MARK4: variants seen among roughly 807,000 people sequenced by gnomAD.
MARK4 encodes MAP/microtubule affinity-regulating kinase 4.
Under a neutral mutation model 81.5 loss-of-function variants are expected in MARK4, and 19 were observed. The observed-to-expected ratio is 0.23, with a 90% CI of 0.16 to 0.34. The LOEUF is 0.34. Ranked by LOEUF, MARK4 falls within the 10% of genes least tolerant of loss-of-function variation. The pLI, the probability that MARK4 is intolerant of heterozygous loss-of-function variation, is 1.00. For missense variants in MARK4, 772 were observed against 1,058.8 expected (o/e 0.73, Z 3.76); for synonymous variants, 436 against 439.0 (o/e 0.99, Z 0.08).
intron 13 of MARK4, among the ~76,000 whole-genome samples, chr19:45,291,639 G>A (rs1187533747): frequency 2.0e-5 from 3 of 152,074 alleles, no homozygotes; most frequent in South Asian, 2.1e-4. Context: ...AAAATTAGCC[G>A]GGCTTGGTGG....
chr19:45,268,496 A>C (rs1199626791), intron 7 of MARK4, among the ~76,000 whole-genome samples: 3 of 151,396 alleles, frequency 2.0e-5, no homozygotes, highest in East Asian at 2.0e-4. Context: ...AGACATGAGA[A>C]TTGCTTGAAC....
intron 16 of MARK4, among the ~76,000 whole-genome samples, chr19:45,301,480 C>T (rs548515240): frequency 1.8e-4 from 27 of 146,450 alleles, no homozygotes; most frequent in African/African-American, 6.8e-4. Context: ...TTGCTTGAAC[C>T]CGGGAAGCAG....
At chr19:45,257,035 C>A (rs1036852027) in intron 1 of MARK4, among the ~76,000 whole-genome samples, 1 of 151,964 alleles carries the variant, frequency 6.6e-6, no homozygotes, top group Non-Finnish European at 1.5e-5. Flanking sequence ...CTCACTGCAG[C>A]CTTAACCTCC....
At chr19:45,263,897 T>C (rs957340786) in intron 4 of MARK4, among the ~76,000 whole-genome samples, 4 of 152,084 alleles carry the variant, frequency 2.6e-5, no homozygotes, top group Non-Finnish European at 5.9e-5. Flanking sequence ...ATTGTGAGGA[T>C]TGACAAAGAT....
intron 8 of MARK4, among the ~76,000 whole-genome samples, chr19:45,272,233 G>A (rs1341953155): frequency 6.6e-6 from 1 of 152,212 alleles, no homozygotes; most frequent in Non-Finnish European, 1.5e-5. Context: ...TTGGGAGGCT[G>A]ACGCGGGAGG....
At chr19:45,287,844 T>G in intron 13 of MARK4, 180 bp downstream of exon 13, 2 of 704,830 alleles carry the variant, frequency 2.8e-6, no homozygotes, top group Non-Finnish European at 5.1e-6. Context: ...GTTTATACAC[T>G]AACATTTGAT....
At chr19:45,257,383 C>CTTTTT (rs35210904) in intron 1 of MARK4, among the ~76,000 whole-genome samples, 2 of 124,384 alleles carry the variant, frequency 1.6e-5, no homozygotes, top group Admixed American at 8.9e-5. Flanking sequence ...TTTTCTTTCT[C>CTTTTT]TTTTTTTTTT....
At chr19:45,270,586 A>G (rs182786394) in intron 7 of MARK4, among the ~76,000 whole-genome samples, 25 of 152,192 alleles carry the variant, frequency 1.6e-4, no homozygotes, top group Non-Finnish European at 2.8e-4. Context: ...CTCGCTGGGT[A>G]TGAAATACTG....
intron 10 of MARK4, 62 bp from the exon 11 acceptor site, chr19:45,280,312 A>T: frequency 1.4e-6 from 2 of 1,435,636 alleles, no homozygotes; most frequent in Non-Finnish European, 2.0e-6. Context: ...AAAAAAAAAG[A>T]GAAATGGATG....
At chr19:45,260,303 T>C (rs1599779087) in intron 2 of MARK4, among the ~76,000 whole-genome samples, 1 of 151,608 alleles carries the variant, frequency 6.6e-6, no homozygotes. Flanking sequence ...GGCAGGAGAA[T>C]TGCTTGAGCC....
At chr19:45,299,699 C>T in intron 15 of MARK4, 112 bp from the exon 16 acceptor site, 5 of 878,668 alleles carry the variant, frequency 5.7e-6, no homozygotes, top group South Asian at 2.5e-5. Context: ...CTCACCAGCC[C>T]GGAGGGACTG....
chr19:45,274,064 A>G (rs2079675), intron 8 of MARK4, among the ~76,000 whole-genome samples: 13,444 of 151,702 alleles, frequency 0.089, 646 homozygotes, highest in Middle Eastern at 0.16. Context: ...CCTGGCTAAC[A>G]CACTGAAACC....
rs1342807435 is a variant in MARK4, at chr19:45,297,737, G to A, written c.1660G>A (p.Gly554Arg). 1 of 1,572,688 alleles carries A rather than the reference G, an allele frequency of 6.4e-7. No individual in the cohort carries two copies. Among genetic ancestry groups the A allele is most frequent in the African/African-American group, 1.4e-5 (1 of 73,810 alleles). The change falls in exon 15 of 17, where the codon GGG becomes AGG. Residue 554 changes from glycine (G) to arginine (R), a missense_variant. This residue lies in a region of MARK4 where 548 missense variants were observed against 624.3 expected (regional missense o/e 0.88). Transcript: ENST00000262891. ...CAGTCACAGCCTGGCACCCCCATCA[G>A]GGGAGCGGAGCCGCCTGGCACGTGG... ...PSSHSLAPPSGERSRLARGST... is the reference protein window; with the variant it reads ...PSSHSLAPPSRERSRLARGST...
In MARK4 at chr19:45,289,952, T is replaced by A. The variant is rs189233186; in HGVS notation, c.1494+2288T>A. 4.0e-4 allele frequency among the ~76,000 whole-genome samples: 61 copies of A among 151,708 alleles called. 1 individual carries two copies. The East Asian group carries it at 0.012, about 29-fold the overall frequency. On this transcript the variant is annotated intron_variant, in intron 13 of 16. Transcript: ENST00000262891. ...TCCCTACAAAAAATAGAAAAATTAG[T>A]CCGGTGTGGTGGTGGCACGTGCTGG...
intron 12 of MARK4, among the ~76,000 whole-genome samples, chr19:45,282,204 CAG>C (rs988752947): frequency 2.0e-5 from 3 of 146,746 alleles, no homozygotes; most frequent in Non-Finnish European, 4.5e-5. Context: ...GCCTGGGCAA[CAG>C]AGAGACCTCA....
intron 1 of MARK4, among the ~76,000 whole-genome samples, chr19:45,252,036 G>A (rs1367325832): frequency 6.6e-6 from 1 of 152,044 alleles, no homozygotes; most frequent in African/African-American, 2.4e-5. Flanking sequence ...CCAAGGCCCG[G>A]CCCTGGCACT....
At chr19:45,261,635 A>G (rs1402225343) in intron 2 of MARK4, among the ~76,000 whole-genome samples, 1 of 152,168 alleles carries the variant, frequency 6.6e-6, no homozygotes, top group Non-Finnish European at 1.5e-5. Context: ...TAAAAATAAA[A>G]TAAAAGTTTT....
chr19:45,261,223 G>A (rs1383203725), intron 2 of MARK4, among the ~76,000 whole-genome samples: 3 of 152,114 alleles, frequency 2.0e-5, no homozygotes, highest in Admixed American at 6.6e-5. Flanking sequence ...ATTTTTACGC[G>A]CTAGTTTGTC....
chr19:45,278,363 G>A (rs890918957), intron 9 of MARK4, among the ~76,000 whole-genome samples, 153 bp from the exon 10 acceptor site: 2 of 152,138 alleles, frequency 1.3e-5, no homozygotes, highest in African/African-American at 2.4e-5. Context: ...GGCAGGGGAC[G>A]TGGGGGAGAG....
Sources: allele counts gnomAD v4.1 joint callset (sites outside exome capture counted in the v4.1 genomes callset), GRCh38; gene constraint gnomAD v4.1.1; regional missense constraint gnomAD v4.1.1; transcripts MANE v1.5; gene names NCBI Gene and HGNC (gene_info 2026-07-23, HGNC 2026-07-21).